Variants in RPS12 observed in about 807,000 individuals in gnomAD.
RPS12 encodes the protein small ribosomal subunit protein eS12.
Under a neutral mutation model 17.2 loss-of-function variants are expected in RPS12, and 1 was observed. That is an observed-to-expected ratio of 0.06 (90% confidence interval 0.02 to 0.28). The LOEUF is 0.28. Among genes scored for constraint, RPS12 ranks in the 10% least tolerant of loss-of-function variants. The pLI is 1.00. For synonymous variants in RPS12, 67 were observed against 54.0 expected, an observed-to-expected ratio of 1.24 and a Z score of -1.06; for missense variants, 146 against 162.1, an observed-to-expected ratio of 0.90 and a Z score of 0.54.
At chr6:132,814,928 G>T in intron 2 of RPS12, 44 bp from the exon 3 acceptor site, 1 of 1,442,786 alleles carries the variant, frequency 6.9e-7, no homozygotes, top group Non-Finnish European at 9.8e-7. Context: ...GGCCTTATGT[G>T]GTGTGAGGAT....
chr6:132,815,109 A>G (rs1216588887), intron 3 of RPS12, 21 bp downstream of exon 3: 8 of 1,476,416 alleles, frequency 5.4e-6, no homozygotes, highest in Non-Finnish European at 7.6e-6. Context: ...CAGTCTCAAT[A>G]CTGTGGGTTC....
intron 2 of RPS12, 77 bp downstream of exon 2, chr6:132,814,859 T>C (rs1453389561): frequency 8.1e-6 from 12 of 1,473,586 alleles, no homozygotes; most frequent in African/African-American, 7.0e-5. Flanking sequence ...GGAACAGGAC[T>C]GGGTCAAACG....
intron 3 of RPS12, chr6:132,815,906 G>A (rs900031282): frequency 6.6e-6 from 3 of 452,062 alleles, no homozygotes; most frequent in Non-Finnish European, 8.8e-6. Flanking sequence ...GCAGTGGCGC[G>A]ATCTCATTGC....
At chr6:132,817,279 C>T (rs371711992) in intron 5 of RPS12, 3 of 772,470 alleles carry the variant, frequency 3.9e-6, no homozygotes, top group African/African-American at 1.7e-5. Context: ...TAAAAACTGG[C>T]AATAGTAAAG....
chr6:132,814,850 G>T, intron 2 of RPS12, 68 bp downstream of exon 2: 1 of 1,500,416 alleles, frequency 6.7e-7, no homozygotes, highest in South Asian at 1.1e-5. Flanking sequence ...AGAGCTGGCG[G>T]AACAGGACTG....
chr6:132,816,534 T>C lies in RPS12; in HGVS notation c.205T>C (p.Cys69Arg). ...PMYVKLVEAL[C>R]AEHQINLIKV... ...GTATGTCAAGTTGGTGGAGGCCCTT[T>C]GTGCTGAACACCAAATCAACCTAAT... The change falls in exon 4 of 6, where the codon TGT becomes CGT. Residue 69 changes from cysteine to arginine, a missense_variant. Cys to Arg is a radical substitution (Grantham distance 180). This residue lies in a region of RPS12 where 117 missense variants were observed against 104.6 expected (regional missense o/e 1.12). Coordinates refer to ENST00000230050, the MANE Select transcript of RPS12 (RefSeq NM_001016.4). 6.2e-7 allele frequency: 1 copy of C among 1,601,394 alleles called. No individual in the cohort carries two copies.
intron 4 of RPS12, 173 bp downstream of exon 4, chr6:132,816,736 A>G: frequency 1.3e-6 from 1 of 768,918 alleles, no homozygotes; most frequent in Non-Finnish European, 2.4e-6. Flanking sequence ...TACCTGCAGA[A>G]TTGAATCCTA....
At chr6:132,814,844 C>G (rs1782006527) in intron 2 of RPS12, 62 bp downstream of exon 2, 2 of 1,516,542 alleles carry the variant, frequency 1.3e-6, no homozygotes, top group Admixed American at 3.4e-5. Flanking sequence ...GGGGCTAGAG[C>G]TGGCGGAACA....
chr6:132,817,338 T>C (rs1392388823), intron 5 of RPS12, 142 bp from the exon 6 acceptor site: 1 of 792,164 alleles, frequency 1.3e-6, no homozygotes, highest in African/African-American at 1.7e-5. Flanking sequence ...TCCCTGAGAA[T>C]GGCTATAACA....
rs1240615359 is a variant in RPS12 at position 132,816,584 on chromosome 6, GT to G, written c.234+23del. ...TTAAGGTAAGGCTGCTAAGGATTGTGTTGGGACTAATGTTCAGTGATGCTTG... is the reference window on the plus strand; with the variant it reads ...TTAAGGTAAGGCTGCTAAGGATTGTGTGGGACTAATGTTCAGTGATGCTTG... On this transcript the variant is annotated intron_variant, in intron 4 of 5. Coordinates refer to ENST00000230050, the MANE Select transcript of RPS12 (RefSeq NM_001016.4). The G allele has an allele frequency of 2.7e-6, 4 of 1,499,654 alleles. No individual in the cohort carries two copies. In the East Asian group the frequency reaches 9.0e-5, roughly 34 times the overall value. 92.9% of individuals were successfully genotyped at this position (1,499,654 alleles called of 1,614,324 possible).
intron 3 of RPS12, among the ~76,000 whole-genome samples, 153 bp from the exon 4 acceptor site, chr6:132,816,308 C>A (rs551353943): frequency 6.6e-6 from 1 of 152,186 alleles, no homozygotes; most frequent in African/African-American, 2.4e-5. Flanking sequence ...GCAGGTTCTT[C>A]AGACTCAAGC....
Position 132,817,081 on chromosome 6 carries a change from A to G in RPS12, c.336+20A>G, listed in dbSNP as rs760876622. On this transcript the variant is annotated intron_variant, in intron 5 of 5. Coordinates refer to ENST00000230050, the MANE Select transcript of RPS12 (RefSeq NM_001016.4). ...GTTAAGGTAAGTCACCGTTTATTCTAGGGATGAAGGTTATGCTGGGTAATC... is the reference window on the plus strand; with the variant it reads ...GTTAAGGTAAGTCACCGTTTATTCTGGGGATGAAGGTTATGCTGGGTAATC... 1 of 1,383,028 alleles carries G rather than the reference A, an allele frequency of 7.2e-7. No individual in the cohort carries two copies. The highest frequency in any genetic ancestry group is 1.0e-6 in the Non-Finnish European group (1 of 971,252). 85.7% of individuals were successfully genotyped at this position (1,383,028 alleles called of 1,614,324 possible).
intron 5 of RPS12, 133 bp downstream of exon 5, chr6:132,817,194 GAA>G: frequency 1.3e-6 from 1 of 787,592 alleles, no homozygotes; most frequent in Non-Finnish European, 2.2e-6. Flanking sequence ...TGCATTTCAG[GAA>G]AAAAATAAAA....
chr6:132,817,140 C>T (rs1161397230), intron 5 of RPS12, 79 bp downstream of exon 5: 16 of 950,236 alleles, frequency 1.7e-5, no homozygotes, highest in Admixed American at 7.4e-5. Flanking sequence ...AGTTGAGGAT[C>T]TTATAAAAGG....
chr6:132,817,201 AT>A (rs1742868970), intron 5 of RPS12, 140 bp downstream of exon 5: 3 of 781,272 alleles, frequency 3.8e-6, no homozygotes, highest in Non-Finnish European at 6.8e-6. Flanking sequence ...CAGGAAAAAA[AT>A]AAAAGCTGTA....
At chr6:132,817,421 G>C (rs1398252388) in intron 5 of RPS12, 59 bp from the exon 6 acceptor site, 1 of 1,094,268 alleles carries the variant, frequency 9.1e-7, no homozygotes, top group African/African-American at 1.5e-5. Context: ...GATACTAATA[G>C]CTTGGTGAAA....
At chr6:132,816,627 CTG>C (rs1562281137) in intron 4 of RPS12, 64 bp downstream of exon 4, 2 of 1,079,864 alleles carry the variant, frequency 1.9e-6, no homozygotes, top group Non-Finnish European at 2.8e-6. Context: ...GGGGTAAATT[CTG>C]TGAAGTCTCA....
Position 132,817,514 on chromosome 6 carries a change from T to C in RPS12, c.371T>C (p.Ile124Thr), listed in dbSNP as rs1003704262. ...YGKESQAKDV[I>T]EEYFKCKK The stretch of plus-strand genomic sequence containing the variant: ...AAGGAGTCTCAGGCCAAGGATGTCA[T>C]TGAAGAGTATTTCAAATGCAAGAAA... The change falls in exon 6 of 6, where the codon ATT becomes ACT. Residue 124 changes from isoleucine (I) to threonine (T), a missense_variant. By Grantham distance (89) the Ile-to-Thr change is moderately conservative (BLOSUM62 -1). Transcript: ENST00000230050. The C allele has an allele frequency of 3.1e-6, 5 of 1,611,760 alleles. No homozygotes were observed. Among genetic ancestry groups the C allele is most frequent in the Non-Finnish European group, 4.2e-6 (5 of 1,178,966 alleles).
chr6:132,815,629 C>G (rs1407349613), intron 3 of RPS12: 1 of 456,542 alleles, frequency 2.2e-6, no homozygotes. Context: ...ATTGACAAAT[C>G]AACCTACTCT....
Sources: allele counts gnomAD v4.1 joint callset (sites outside exome capture counted in the v4.1 genomes callset), GRCh38; gene constraint gnomAD v4.1.1; regional missense constraint gnomAD v4.1.1; transcripts MANE v1.5; gene names NCBI Gene and HGNC (gene_info 2026-07-23, HGNC 2026-07-21).